XRN2: variants seen among roughly 807,000 people sequenced by gnomAD.
The protein encoded by XRN2 is 5'-3' exoribonuclease 2.
In XRN2, 44 loss-of-function variants were observed where a neutral mutation model predicts 138.5. The ratio of observed to expected loss-of-function variants is 0.32; its 90% CI spans 0.25 to 0.41. The LOEUF (loss-of-function observed/expected upper bound fraction) is 0.41. XRN2 is among the 10% of genes least tolerant of loss of function. The pLI is 1.00. For missense variants in XRN2, 937 were observed against 1,169.3 expected, an observed-to-expected ratio of 0.80 and a Z score of 2.90; for synonymous variants, 354 against 369.4, an observed-to-expected ratio of 0.96 and a Z score of 0.48.
At position 21,389,281 on chromosome 20, in the gene XRN2, C is replaced by G; in HGVS notation, c.2796C>G (p.Pro932=). ...RDDRGGRQGY[P]REGRKYPLPP... is the part of the protein sequence containing the mutation. ...CTTTTGTTTATTTTCAGGGATATCCCAGAGAAGGAAGGAAATACCCTTTGC... is the reference window on the plus strand; with the variant it reads ...CTTTTGTTTATTTTCAGGGATATCCGAGAGAAGGAAGGAAATACCCTTTGC... Residue 932 remains proline (P), a synonymous_variant, in exon 30 of 30, where the codon CCC becomes CCG. Transcript: ENST00000377191. 1 of 1,612,598 alleles carries G rather than the reference C, an allele frequency of 6.2e-7. No homozygotes were observed. Among genetic ancestry groups the G allele is most frequent in the Non-Finnish European group, 8.5e-7 (1 of 1,179,372 alleles).
intron 19 of XRN2, among the ~76,000 whole-genome samples, chr20:21,348,925 G>A (rs1053165549): frequency 3.9e-5 from 6 of 152,146 alleles, no homozygotes; most frequent in African/African-American, 1.4e-4. Flanking sequence ...TTACAGGCGT[G>A]AGCCACCGTG....
chr20:21,334,708 C>G (rs180918617), intron 13 of XRN2, among the ~76,000 whole-genome samples: 1 of 152,060 alleles, frequency 6.6e-6, no homozygotes, highest in Admixed American at 6.6e-5. Flanking sequence ...TATGGATGAG[C>G]GCTTACATGA....
intron 1 of XRN2, among the ~76,000 whole-genome samples, chr20:21,317,573 G>A (rs1469182214): frequency 1.3e-5 from 2 of 152,086 alleles, no homozygotes; most frequent in African/African-American, 2.4e-5. Context: ...CGAAATCAAC[G>A]GAGGCTCAAA....
intron 1 of XRN2, among the ~76,000 whole-genome samples, chr20:21,323,251 C>G (rs142161710): frequency 3.3e-5 from 5 of 152,212 alleles, no homozygotes; most frequent in African/African-American, 1.2e-4. Flanking sequence ...CATCATTTCT[C>G]AGCCACAAAT....
At chr20:21,385,056 CATT>C (rs746410734) in intron 28 of XRN2, among the ~76,000 whole-genome samples, 23 of 152,196 alleles carry the variant, frequency 1.5e-4, no homozygotes, top group South Asian at 1.0e-3. Context: ...TTGTCAAAAA[CATT>C]ATAAGTAATC....
In XRN2 at chr20:21,377,538, G is replaced by T. The variant is rs145285991; in HGVS notation, c.2585-4456G>T. Reference sequence around the variant, plus strand: ...CTCCCAAAGTGTTGGGATTACAGGCGTGAGCCACCACGTCCGGCCTGTGTT... The same window carrying T: ...CTCCCAAAGTGTTGGGATTACAGGCTTGAGCCACCACGTCCGGCCTGTGTT... On this transcript the variant is annotated intron_variant, in intron 27 of 29. Coordinates refer to ENST00000377191, the MANE Select transcript of XRN2 (RefSeq NM_012255.5). Among the ~76,000 whole-genome samples, 933 of 146,788 alleles carry T rather than the reference G, an allele frequency of 6.4e-3. 9 individuals are homozygous for T. Among genetic ancestry groups the T allele is most frequent in the African/African-American group, 0.022 (872 of 39,570 alleles).
chr20:21,384,029 A>G (rs929212688), intron 28 of XRN2, among the ~76,000 whole-genome samples: 2 of 152,218 alleles, frequency 1.3e-5, no homozygotes, highest in Non-Finnish European at 2.9e-5. Context: ...TGAGAATCCT[A>G]TTAAGAGAAT....
chr20:21,365,357 C>A, intron 24 of XRN2, 64 bp from the exon 25 acceptor site: 1 of 1,493,388 alleles, frequency 6.7e-7, no homozygotes, highest in Non-Finnish European at 9.1e-7. Context: ...AAAAATACCT[C>A]AGTCTACATG....
At chr20:21,330,289 A>G (rs1779710855) in intron 4 of XRN2, among the ~76,000 whole-genome samples, 192 bp from the exon 5 acceptor site, 1 of 152,104 alleles carries the variant, frequency 6.6e-6, no homozygotes, top group South Asian at 2.1e-4. Flanking sequence ...GTCTCAAATA[A>G]TAATAATAAT....
At chr20:21,389,198 C>G in intron 29 of XRN2, 75 bp from the exon 30 acceptor site, 1 of 1,341,468 alleles carries the variant, frequency 7.5e-7, no homozygotes, top group Non-Finnish European at 1.0e-6. Context: ...TGTGTTTTTC[C>G]ATAGAGGTTT....
intron 23 of XRN2, 54 bp downstream of exon 23, chr20:21,356,719 T>C: frequency 8.3e-6 from 12 of 1,450,530 alleles, no homozygotes; most frequent in Non-Finnish European, 1.1e-5. Context: ...TTAGTTAGGA[T>C]TTTTTTCCTT....
chr20:21,382,074 A>G lies in XRN2; in HGVS notation c.2648+17A>G, dbSNP rs965358794. 1 of 1,598,744 alleles carries G rather than the reference A, an allele frequency of 6.3e-7. No individual in the cohort carries two copies. Among genetic ancestry groups the G allele is most frequent in the Non-Finnish European group, 8.5e-7 (1 of 1,171,174 alleles). ...GTTTGACAGGTAATATTAAAAGTAGACATGACTTTTAAATACTTTCTGACA... is the reference window on the plus strand; with the variant it reads ...GTTTGACAGGTAATATTAAAAGTAGGCATGACTTTTAAATACTTTCTGACA... On this transcript the variant is annotated intron_variant, in intron 28 of 29. Coordinates refer to ENST00000377191, the MANE Select transcript of XRN2 (RefSeq NM_012255.5).
Position 21,334,097 on chromosome 20 carries a change from G to C in XRN2, c.1145G>C (p.Gly382Ala). The C allele has an allele frequency of 6.2e-7, 1 of 1,613,964 alleles. No homozygotes were observed. Among genetic ancestry groups the C allele is most frequent in the Non-Finnish European group, 8.5e-7 (1 of 1,179,926 alleles). ...HKTGGYLTES[G>A]YVNLQRVQMI... ...TTACAGGGTTACCTTACAGAAAGTG[G>C]TTATGTCAATCTGCAAAGAGTACAG... The change falls in exon 13 of 30, where the codon GGT becomes GCT. Residue 382 changes from glycine (G) to alanine (A), a missense_variant. By Grantham distance (60) the Gly-to-Ala change is moderately conservative. Coordinates refer to ENST00000377191, the MANE Select transcript of XRN2 (RefSeq NM_012255.5).
chr20:21,362,407 G>T (rs1404112620), intron 24 of XRN2, among the ~76,000 whole-genome samples: 1 of 152,026 alleles, frequency 6.6e-6, no homozygotes, highest in Admixed American at 6.6e-5. Flanking sequence ...AGGTCTTTCT[G>T]TGCATGACTT....
intron 6 of XRN2, among the ~76,000 whole-genome samples, chr20:21,331,220 A>G (rs2038202595): frequency 6.6e-6 from 1 of 152,188 alleles, no homozygotes; most frequent in Non-Finnish European, 1.5e-5. Context: ...ATCCTTGCAT[A>G]GTAGTGAAAA....
intron 8 of XRN2, among the ~76,000 whole-genome samples, 168 bp from the exon 9 acceptor site, chr20:21,332,115 G>T (rs556884118): frequency 6.1e-4 from 93 of 152,234 alleles, no homozygotes; most frequent in Non-Finnish European, 1.1e-3. Flanking sequence ...GTATCTAGAG[G>T]ACTTCCTGTT....
intron 27 of XRN2, 135 bp from the exon 28 acceptor site, chr20:21,381,859 T>C (rs1401940844): frequency 1.6e-6 from 1 of 638,676 alleles, no homozygotes; most frequent in African/African-American, 1.9e-5. Flanking sequence ...GTGGTGTGTG[T>C]TATTATGATA....
chr20:21,328,507 T>C, intron 3 of XRN2, 52 bp from the exon 4 acceptor site: 1 of 1,520,138 alleles, frequency 6.6e-7, no homozygotes, highest in Non-Finnish European at 9.0e-7. Context: ...AAGGTACAGA[T>C]TTATTTGTGA....
rs2038228130 is a variant in XRN2 at position 21,332,583 on chromosome 20, T to C, written c.858+143T>C. ...TATTTGAGTTACCTTGTTTTTAAAA[T>C]GGATGAAGAGAAGATTGTGGTTGAT... On this transcript the variant is annotated intron_variant, in intron 9 of 29. Coordinates refer to ENST00000377191, the MANE Select transcript of XRN2 (RefSeq NM_012255.5). 7.2e-6 allele frequency: 6 copies of C among 837,224 alleles called. No homozygotes were observed. The South Asian group carries it at 1.8e-4, about 25-fold the overall frequency. The allele number at this position is 837,224 out of a possible 1,614,324, so 51.9% of individuals were successfully genotyped here.
Sources: gnomAD v4.1 joint callset for allele counts (sites outside exome capture counted in the v4.1 genomes callset) on GRCh38, gnomAD v4.1.1 for gene constraint, MANE v1.5 for transcripts, NCBI Gene and HGNC (gene_info 2026-07-23, HGNC 2026-07-21) for gene names.